HERC2: variants seen among roughly 807,000 people sequenced by gnomAD.
The protein encoded by HERC2 is E3 ubiquitin-protein ligase HERC2.
A neutral mutation model predicts 537.7 loss-of-function variants in HERC2; 102 were observed. The observed-to-expected ratio is 0.19, with a 90% CI of 0.16 to 0.22. The LOEUF (loss-of-function observed/expected upper bound fraction) is 0.22. Among genes scored for constraint, HERC2 ranks in the 10% least tolerant of loss-of-function variants. HERC2 has a pLI of 1.00. For synonymous variants in HERC2, 2,224 were observed against 2,466.2 expected (o/e 0.90, Z 2.91); for missense variants, 4,236 against 6,198.2 (o/e 0.68, Z 10.63).
At position 28,132,339 on chromosome 15, in the gene HERC2, A is replaced by G. The variant is rs1367391168; in HGVS notation, c.12409-78T>C. On this transcript the variant is annotated intron_variant, in intron 80 of 92. Coordinates refer to ENST00000261609, the MANE Select transcript of HERC2 (RefSeq NM_004667.6). The stretch of plus-strand genomic sequence containing the variant: ...ACAGGACTGGCTTCACAACACTGCC[A>G]TTCTTTTTTTATGGGGGTACCTGTT... The G allele has an allele frequency of 8.2e-6, 11 of 1,340,846 alleles. No homozygotes were observed. In the East Asian group the frequency reaches 2.0e-4, roughly 25 times the overall value. The allele number at this position is 1,340,846 out of a possible 1,614,324, so 83.1% of individuals were successfully genotyped here. A position where few individuals can be genotyped will look rare whatever the true frequency, so the allele number is the denominator to read the frequency against.
intron 55 of HERC2, 25 bp downstream of exon 55, chr15:28,190,940 A>C (rs770031540): frequency 6.7e-7 from 1 of 1,492,760 alleles, no homozygotes; most frequent in South Asian, 1.1e-5. Flanking sequence ...AATCATCCAA[A>C]TGGAACACTA....
At chr15:28,312,119 T>C (rs904872596) in intron 2 of HERC2, among the ~76,000 whole-genome samples, 2 of 152,296 alleles carry the variant, frequency 1.3e-5, no homozygotes, top group African/African-American at 4.8e-5. Context: ...CCCAAATAAA[T>C]GGTAAGCACC....
chr15:28,294,529 C>A (rs1270138657), intron 3 of HERC2, among the ~76,000 whole-genome samples: 4 of 149,180 alleles, frequency 2.7e-5, no homozygotes, highest in African/African-American at 5.0e-5. Context: ...CCTCAAATAG[C>A]CTAACCACAA....
chr15:28,192,142 G>T lies in HERC2; in HGVS notation c.8270C>A (p.Ala2757Glu). ...TTTTCCAGAACGGCCACAAAATACC[G>T]CAGACTGACCTATTTCGTGATAGTC... ...FGRINEPGQSAVFCGRSGKQL... is the reference protein window; with the variant it reads ...FGRINEPGQSEVFCGRSGKQL... Residue 2757 changes from alanine (A) to glutamate (E), a missense_variant, in exon 53 of 93, where the codon GCG (alanine) becomes GAG (glutamate). By Grantham distance (107) the Ala-to-Glu change is moderately radical (BLOSUM62 -1). Transcript: ENST00000261609. The T allele has an allele frequency of 6.2e-7, 1 of 1,612,238 alleles. No homozygotes were observed. Among genetic ancestry groups the T allele is most frequent in the East Asian group, 2.2e-5 (1 of 44,834 alleles).
chr15:28,239,780 AG>A, intron 23 of HERC2, among the ~76,000 whole-genome samples: 1 of 151,810 alleles, frequency 6.6e-6, no homozygotes, highest in Non-Finnish European at 1.5e-5. Context: ...AACCAAGTTC[AG>A]AAAATGTGAA....
chr15:28,154,003 C>T (rs934079893), intron 69 of HERC2, among the ~76,000 whole-genome samples: 1 of 152,090 alleles, frequency 6.6e-6, no homozygotes, highest in African/African-American at 2.4e-5. Flanking sequence ...GGGGTCAGAC[C>T]CATACCACAT....
intron 2 of HERC2, among the ~76,000 whole-genome samples, chr15:28,307,446 G>C (rs373236994): frequency 2.0e-5 from 3 of 152,098 alleles, no homozygotes. Context: ...AGTTCTTTAA[G>C]ATGTATCATT....
At chr15:28,165,152 G>A (rs1187784726) in intron 68 of HERC2, among the ~76,000 whole-genome samples, 1 of 152,202 alleles carries the variant, frequency 6.6e-6, no homozygotes, top group Non-Finnish European at 1.5e-5. Context: ...AGTGAGGAAG[G>A]TGCCACACTC....
rs373433092 is a variant in HERC2 at position 28,275,009 on chromosome 15, C to A, written c.543-4G>T. 67 of 1,593,218 alleles carry A rather than the reference C, an allele frequency of 4.2e-5. No homozygotes were observed. Among genetic ancestry groups the A allele is most frequent in the Middle Eastern group, 1.7e-4 (1 of 6,042 alleles). ...ACCTTTGCCCGCAGGCCGGGAACTGCAGACGACACACACGGAACATACAAC... is the reference window on the plus strand; with the variant it reads ...ACCTTTGCCCGCAGGCCGGGAACTGAAGACGACACACACGGAACATACAAC... On this transcript the variant is annotated splice_polypyrimidine_tract_variant and splice_region_variant and intron_variant, in intron 5 of 92. Coordinates refer to ENST00000261609, the MANE Select transcript of HERC2 (RefSeq NM_004667.6).
At position 28,160,182 on chromosome 15, in the gene HERC2, G is replaced by A. The variant is rs189705195; in HGVS notation, c.10746+2912C>T. On this transcript the variant is annotated intron_variant, in intron 69 of 92. Coordinates refer to ENST00000261609, the MANE Select transcript of HERC2 (RefSeq NM_004667.6). ...CCCAGTTAGGCTACTCGGGGGTCAG[G>A]GACCCACTTGAGGAGGCAGTCTGTC... Among the ~76,000 whole-genome samples, 22 of 152,272 alleles carry A rather than the reference G, an allele frequency of 1.4e-4. 1 individual carries two copies. The East Asian group carries it at 3.3e-3, about 23-fold the overall frequency.
intron 85 of HERC2, among the ~76,000 whole-genome samples, chr15:28,121,680 C>G (rs1414008748): frequency 6.6e-6 from 1 of 152,158 alleles, no homozygotes; most frequent in African/African-American, 2.4e-5. Flanking sequence ...CTACCTCCAC[C>G]CAGCAGCGTT....
intron 68 of HERC2, among the ~76,000 whole-genome samples, chr15:28,163,803 A>G (rs1236407956): frequency 6.6e-6 from 1 of 152,178 alleles, no homozygotes; most frequent in African/African-American, 2.4e-5. Flanking sequence ...TGAAAACATC[A>G]TACATAAAAG....
At chr15:28,181,067 C>G (rs1206748505) in intron 57 of HERC2, among the ~76,000 whole-genome samples, 1 of 152,200 alleles carries the variant, frequency 6.6e-6, no homozygotes, top group South Asian at 2.1e-4. Flanking sequence ...GTCCTGCTCA[C>G]TCTCTGATTC....
intron 20 of HERC2, among the ~76,000 whole-genome samples, 194 bp from the exon 21 acceptor site, chr15:28,248,930 C>T (rs1240017968): frequency 6.6e-6 from 1 of 152,182 alleles, no homozygotes; most frequent in Non-Finnish European, 1.5e-5. Flanking sequence ...AGCAGAAGGG[C>T]ACGGAAGGCT....
chr15:28,163,646 C>T (rs1373412223), intron 68 of HERC2, among the ~76,000 whole-genome samples: 2 of 152,152 alleles, frequency 1.3e-5, no homozygotes, highest in Non-Finnish European at 2.9e-5. Context: ...ATAAGATACG[C>T]TAGGGAATCG....
intron 52 of HERC2, among the ~76,000 whole-genome samples, chr15:28,194,175 C>T (rs1897120095): frequency 6.6e-6 from 1 of 151,032 alleles, no homozygotes; most frequent in Non-Finnish European, 1.5e-5. Flanking sequence ...ACGCCATTCT[C>T]CCGCTTCAGC....
intron 79 of HERC2, among the ~76,000 whole-genome samples, chr15:28,133,478 T>C (rs1317861880): frequency 1.3e-5 from 2 of 152,230 alleles, no homozygotes; most frequent in African/African-American, 2.4e-5. Context: ...TTTTCTTTCA[T>C]GAATCATGCT....
At chr15:28,186,045 C>T (rs578107756) in intron 56 of HERC2, among the ~76,000 whole-genome samples, 2 of 152,252 alleles carry the variant, frequency 1.3e-5, no homozygotes, top group Non-Finnish European at 2.9e-5. Context: ...TCAAAAATTA[C>T]AGGACTGAAG....
chr15:28,236,541 T>G (rs1301609963), intron 26 of HERC2, among the ~76,000 whole-genome samples: 1 of 152,102 alleles, frequency 6.6e-6, no homozygotes, highest in African/African-American at 2.4e-5. Flanking sequence ...TCCACCCGCC[T>G]CAGCCTCCCA....
Sources: gnomAD v4.1 joint callset for allele counts (sites outside exome capture counted in the v4.1 genomes callset) on GRCh38, gnomAD v4.1.1 for gene constraint, MANE v1.5 for transcripts, NCBI Gene and HGNC (gene_info 2026-07-23, HGNC 2026-07-21) for gene names.